Variants in FAM81B observed in about 807,000 individuals in gnomAD.
FAM81B encodes the protein protein FAM81B.
A neutral mutation model predicts 58.7 loss-of-function variants in FAM81B; 60 were observed. The observed-to-expected ratio is 1.02, with a 90% CI of 0.83 to 1.27. The LOEUF is 1.27. Among genes scored for constraint, FAM81B ranks in the 50% most tolerant of loss-of-function variants. The probability of loss-of-function intolerance (pLI) is 0.00; values close to 1 mark genes in which losing one functional copy is unlikely to be tolerated. For synonymous variants in FAM81B, 189 were observed against 179.6 expected (o/e 1.05, Z -0.42); for missense variants, 491 against 522.0 (o/e 0.94, Z 0.58).
At chr5:95,439,069 AACTTAT>A (rs1464865265) in intron 7 of FAM81B, among the ~76,000 whole-genome samples, 1 of 150,870 alleles carries the variant, frequency 6.6e-6, no homozygotes, top group Non-Finnish European at 1.5e-5. Flanking sequence ...ACAATCTTTT[AACTTAT>A]ATATGTGCCA....
intron 3 of FAM81B, among the ~76,000 whole-genome samples, chr5:95,405,951 G>A (rs1762232491): frequency 6.6e-6 from 1 of 152,198 alleles, no homozygotes; most frequent in African/African-American, 2.4e-5. Flanking sequence ...TCTTGTTATT[G>A]TTACTGCTCC....
At chr5:95,417,685 G>A (rs1044911694) in intron 4 of FAM81B, among the ~76,000 whole-genome samples, 7 of 152,096 alleles carry the variant, frequency 4.6e-5, no homozygotes, top group African/African-American at 1.7e-4. Context: ...CTTTTCTAGG[G>A]GAAAAGAGAG....
chr5:95,417,130 G>C (rs908059143), intron 4 of FAM81B, among the ~76,000 whole-genome samples: 3 of 152,144 alleles, frequency 2.0e-5, no homozygotes, highest in African/African-American at 7.2e-5. Flanking sequence ...CTTAGAAGTG[G>C]AATTACTAAG....
intron 5 of FAM81B, among the ~76,000 whole-genome samples, chr5:95,427,877 G>A (rs1762890730): frequency 6.6e-6 from 1 of 152,116 alleles, no homozygotes. Context: ...TGGGGGTGTG[G>A]TTCTGTGTGT....
At chr5:95,438,419 G>C (rs1485043950) in intron 7 of FAM81B, among the ~76,000 whole-genome samples, 2 of 152,146 alleles carry the variant, frequency 1.3e-5, no homozygotes, top group African/African-American at 4.8e-5. Context: ...CTGACTTAAA[G>C]GGATGAGGTA....
At chr5:95,426,125 T>TATATATATATATATATATAC (rs781083080) in intron 5 of FAM81B, among the ~76,000 whole-genome samples, 1 of 94,306 alleles carries the variant, frequency 1.1e-5, no homozygotes. Flanking sequence ...TATATATATG[T>TATATATATATATATATATAC]ACACATATAT....
At chr5:95,449,243 G>T (rs1745702480) in intron 9 of FAM81B, among the ~76,000 whole-genome samples, 1 of 152,090 alleles carries the variant, frequency 6.6e-6, no homozygotes, top group South Asian at 2.1e-4. Flanking sequence ...GGACATGAGG[G>T]TCTCAATCTG....
rs1383310938 is a variant in FAM81B, at chr5:95,446,703, G to A, written c.1029+6G>A. ...AGGTCCTACAGGAGAAACTGGTGAGGAGTTCTGTTATTTTGTGAAGCAAGC... is the reference window on the plus strand; with the variant it reads ...AGGTCCTACAGGAGAAACTGGTGAGAAGTTCTGTTATTTTGTGAAGCAAGC... On this transcript the variant is annotated splice_donor_region_variant and intron_variant, in intron 8 of 9. Coordinates refer to ENST00000283357, the MANE Select transcript of FAM81B (RefSeq NM_152548.3). 1.2e-6 allele frequency: 2 copies of A among 1,610,362 alleles called. No homozygotes were observed. The highest frequency in any genetic ancestry group is 1.7e-6 in the Non-Finnish European group (2 of 1,179,130).
At chr5:95,409,201 C>T (rs1258379519) in intron 3 of FAM81B, among the ~76,000 whole-genome samples, 2 of 152,114 alleles carry the variant, frequency 1.3e-5, no homozygotes, top group African/African-American at 4.8e-5. Flanking sequence ...CTCTGTCGCC[C>T]AGGCTGGAGT....
intron 5 of FAM81B, among the ~76,000 whole-genome samples, chr5:95,426,125 T>TATATAC (rs781083080): frequency 4.0e-4 from 38 of 94,278 alleles, no homozygotes; most frequent in African/African-American, 4.7e-4. Flanking sequence ...TATATATATG[T>TATATAC]ACACATATAT....
chr5:95,420,471 A>T (rs1027801763), intron 5 of FAM81B, 69 bp downstream of exon 5: 8 of 1,592,404 alleles, frequency 5.0e-6, no homozygotes, highest in Non-Finnish European at 6.9e-6. Flanking sequence ...TTCCTAAACA[A>T]GCTCCATGCT....
At position 95,432,726 on chromosome 5, in the gene FAM81B, C is replaced by T. The variant is rs550827940; in HGVS notation, c.786+3994C>T. Among the ~76,000 whole-genome samples, 23 of 152,008 alleles carry T rather than the reference C, an allele frequency of 1.5e-4. No homozygotes were observed. In the South Asian group the frequency reaches 4.8e-3, roughly 32 times the overall value. ...TTTAGGGTGGTTTTAATTCTCTCTGCTTTTATTTATTCTATTTTATTATTT... is the reference window on the plus strand; with the variant it reads ...TTTAGGGTGGTTTTAATTCTCTCTGTTTTTATTTATTCTATTTTATTATTT... On this transcript the variant is annotated intron_variant, in intron 6 of 9. Transcript: ENST00000283357.
At chr5:95,402,766 G>A (rs1299202797) in intron 3 of FAM81B, among the ~76,000 whole-genome samples, 1 of 152,236 alleles carries the variant, frequency 6.6e-6, no homozygotes, top group African/African-American at 2.4e-5. Context: ...CCGCAAGAGT[G>A]AGGCCCTGGG....
chr5:95,391,583 T>C, intron 1 of FAM81B, 70 bp downstream of exon 1: 3 of 1,490,970 alleles, frequency 2.0e-6, no homozygotes, highest in Non-Finnish European at 2.7e-6. Flanking sequence ...TCTTATTACA[T>C]ATAAACAAAA....
chr5:95,444,151 T>C (rs1745465759), intron 7 of FAM81B, among the ~76,000 whole-genome samples: 1 of 152,176 alleles, frequency 6.6e-6, no homozygotes, highest in Non-Finnish European at 1.5e-5. Flanking sequence ...GATTTGTTAT[T>C]TGTCAGCAAT....
At chr5:95,440,504 T>C (rs1745294742) in intron 7 of FAM81B, 10 of 591,270 alleles carry the variant, frequency 1.7e-5, no homozygotes, top group Middle Eastern at 7.2e-4. Context: ...CCTGTTGCTT[T>C]AGACAAAATA....
At chr5:95,427,210 A>C (rs1251375271) in intron 5 of FAM81B, among the ~76,000 whole-genome samples, 7 of 152,196 alleles carry the variant, frequency 4.6e-5, no homozygotes, top group African/African-American at 1.7e-4. Flanking sequence ...GGGAGATGGC[A>C]GGAAGTGGTG....
chr5:95,409,655 A>G (rs1762356805), intron 3 of FAM81B, among the ~76,000 whole-genome samples: 1 of 152,194 alleles, frequency 6.6e-6, no homozygotes, highest in Admixed American at 6.5e-5. Context: ...TTATAAGCCA[A>G]CCAGATTCTG....
chr5:95,424,082 A>T, intron 5 of FAM81B: 1 of 1,289,800 alleles, frequency 7.8e-7, no homozygotes, highest in Non-Finnish European at 1.0e-6. Context: ...TACCTGAGAG[A>T]AACTGGCTGA....
Sources: allele counts gnomAD v4.1 joint callset (sites outside exome capture counted in the v4.1 genomes callset), GRCh38; gene constraint gnomAD v4.1.1; transcripts MANE v1.5; gene names NCBI Gene and HGNC (gene_info 2026-07-23, HGNC 2026-07-21).